The following ACCSL variants were observed in gnomAD, a reference collection of about 807,000 sequenced individuals.
The protein encoded by ACCSL is 1-aminocyclopropane-1-carboxylate synthase homolog (inactive) like, also known as probable inactive 1-aminocyclopropane-1-carboxylate synthase-like protein 2.
A neutral mutation model predicts 61.7 loss-of-function variants in ACCSL; 55 were observed. That is an observed-to-expected ratio of 0.89 (90% CI 0.72 to 1.12). The LOEUF is 1.12. ACCSL is among the 50% of genes most tolerant of loss of function. The probability of loss-of-function intolerance (pLI) is 0.00; values close to 1 mark genes in which losing one functional copy is unlikely to be tolerated. For missense variants in ACCSL, 632 were observed against 698.0 expected (o/e 0.91, Z 1.07); for synonymous variants, 258 against 264.3 (o/e 0.98, Z 0.23).
At chr11:44,013,727 A>G in the ACCSL span, among the ~76,000 whole-genome samples, 1 of 145,792 alleles carries the variant, frequency 6.9e-6, no homozygotes, top group East Asian at 2.0e-4. Context: ...ACAACTCACC[A>G]CCACCCTGCA....
At chr11:44,027,322 C>T in the ACCSL span, among the ~76,000 whole-genome samples, 1 of 152,202 alleles carries the variant, frequency 6.6e-6, no homozygotes, top group East Asian at 1.9e-4. Flanking sequence ...TGCCTCTGAA[C>T]ATGCATGTGG....
the ACCSL span, among the ~76,000 whole-genome samples, chr11:43,988,427 T>A: frequency 6.6e-6 from 1 of 151,876 alleles, no homozygotes; most frequent in Non-Finnish European, 1.5e-5. Context: ...AAACAGTGTC[T>A]TCTAGAGGGA....
chr11:44,051,233 A>G, intron 3 of ACCSL, 102 bp from the exon 4 acceptor site: 1 of 1,153,964 alleles, frequency 8.7e-7, no homozygotes, highest in East Asian at 2.3e-5. Flanking sequence ...ATGAGGTTGG[A>G]CTGAGTAGAA....
At chr11:43,998,958 C>T in the ACCSL span, among the ~76,000 whole-genome samples, 27 of 152,064 alleles carry the variant, frequency 1.8e-4, no homozygotes, top group Non-Finnish European at 2.9e-4. Context: ...TGGGGTCTTA[C>T]TTTGTTGCTC....
chr11:43,944,649 C>A, the ACCSL span: 8,382 of 152,450 alleles, frequency 0.055, 298 homozygotes, highest in Middle Eastern at 0.088. Flanking sequence ...GCCCCCAGTT[C>A]TCCGCACTCC....
chr11:43,993,118 C>G, the ACCSL span, among the ~76,000 whole-genome samples: 1 of 152,194 alleles, frequency 6.6e-6, no homozygotes, highest in Admixed American at 6.5e-5. Context: ...GGCAGACCCG[C>G]AGACCTCAGT....
At chr11:43,945,540 C>T in the ACCSL span, 1,324 of 148,420 alleles carry the variant, frequency 8.9e-3, 9 homozygotes, top group South Asian at 0.039. Context: ...GCATAGCCTT[C>T]TCTCGCGGAA....
the ACCSL span, among the ~76,000 whole-genome samples, chr11:44,011,523 A>G: frequency 6.6e-6 from 1 of 152,206 alleles, no homozygotes; most frequent in African/African-American, 2.4e-5. Flanking sequence ...ACCTATTCTG[A>G]CACTTACTCG....
chr11:44,019,312 G>T, the ACCSL span, among the ~76,000 whole-genome samples: 1 of 152,140 alleles, frequency 6.6e-6, no homozygotes. Flanking sequence ...GAATTGTTGG[G>T]TCATATAGTA....
At chr11:43,978,003 C>CTTTTTTT in the ACCSL span, among the ~76,000 whole-genome samples, 7 of 97,658 alleles carry the variant, frequency 7.2e-5, no homozygotes, top group East Asian at 3.4e-4. Flanking sequence ...CTAGGAAGCT[C>CTTTTTTT]TTTTTTTTTT....
the ACCSL span, among the ~76,000 whole-genome samples, chr11:44,017,342 C>A: frequency 6.6e-6 from 1 of 152,190 alleles, no homozygotes; most frequent in African/African-American, 2.4e-5. Context: ...AGGTTGTGCA[C>A]TGCACAACTC....
chr11:43,981,148 G>A, the ACCSL span, among the ~76,000 whole-genome samples: 1 of 152,202 alleles, frequency 6.6e-6, no homozygotes, highest in Admixed American at 6.5e-5. Flanking sequence ...TAACGAGCAC[G>A]CCACTGATGT....
chr11:44,020,452 A>G, the ACCSL span, among the ~76,000 whole-genome samples: 1 of 152,140 alleles, frequency 6.6e-6, no homozygotes. Flanking sequence ...AGAATGATAA[A>G]TGTGGATTTT....
upstream of ACCSL, among the ~76,000 whole-genome samples, chr11:44,045,970 C>T (rs1001783186): frequency 6.6e-6 from 1 of 152,208 alleles, no homozygotes; most frequent in African/African-American, 2.4e-5. Context: ...CCGATCTTGG[C>T]TCTTTCCACT....
chr11:44,045,283 C>G (rs1407526270), upstream of ACCSL, among the ~76,000 whole-genome samples: 2 of 151,978 alleles, frequency 1.3e-5, no homozygotes, highest in African/African-American at 4.8e-5. Context: ...ACAAAAGATA[C>G]ACAAAAATTG....
At chr11:43,925,821 A>G in the ACCSL span, among the ~76,000 whole-genome samples, 1 of 152,168 alleles carries the variant, frequency 6.6e-6, no homozygotes, top group African/African-American at 2.4e-5. Flanking sequence ...CTCCACCGTG[A>G]AATGGACTCA....
At chr11:43,995,201 GAGGCCTTATGAGGACTCTGTGCAC>G in the ACCSL span, 3 of 152,234 alleles carry the variant, frequency 2.0e-5, no homozygotes, top group African/African-American at 7.2e-5. Context: ...GGGCTGTTTT[GAGGCCTTATGAGGACTCTGTGCAC>G]AGGAAGGTTG....
chr11:44,023,438 G>T, the ACCSL span, among the ~76,000 whole-genome samples: 1 of 152,036 alleles, frequency 6.6e-6, no homozygotes, highest in African/African-American at 2.4e-5. Flanking sequence ...ATCTTTTGGC[G>T]TATGTGGTTT....
At chr11:43,938,183 C>T in the ACCSL span, among the ~76,000 whole-genome samples, 325 of 152,296 alleles carry the variant, frequency 2.1e-3, 3 homozygotes, top group African/African-American at 7.5e-3. Context: ...CTTGCCTGCC[C>T]TGGCAGCGGA....
Sources: allele counts gnomAD v4.1 joint callset (sites outside exome capture counted in the v4.1 genomes callset), GRCh38; gene constraint gnomAD v4.1.1; transcripts MANE v1.5; gene names NCBI Gene and HGNC (gene_info 2026-07-23, HGNC 2026-07-21).